TNFAIP8L3: variants seen among roughly 807,000 people sequenced by gnomAD.
TNFAIP8L3 encodes the protein tumor necrosis factor alpha-induced protein 8-like protein 3.
TNFAIP8L3 carries 7 observed loss-of-function variants against 11.8 expected under a neutral mutation model. The observed-to-expected ratio is 0.59, with a 90% confidence interval of 0.34 to 1.11. The LOEUF (loss-of-function observed/expected upper bound fraction) is 1.11. TNFAIP8L3 is among the 50% of genes most tolerant of loss of function. TNFAIP8L3 has a pLI of 0.03. For synonymous variants in TNFAIP8L3, 98 were observed against 103.8 expected, an observed-to-expected ratio of 0.94 and a Z score of 0.34; for missense variants, 219 against 258.6, an observed-to-expected ratio of 0.85 and a Z score of 1.05.
intron 1 of TNFAIP8L3, among the ~76,000 whole-genome samples, chr15:51,091,499 C>T (rs965885235): frequency 9.2e-5 from 14 of 152,160 alleles, no homozygotes; most frequent in Non-Finnish European, 1.8e-4. Context: ...AAAGAAGAAA[C>T]GCTTTCATCT....
intron 1 of TNFAIP8L3, among the ~76,000 whole-genome samples, chr15:51,066,382 A>G (rs1317523955): frequency 1.3e-5 from 2 of 151,938 alleles, no homozygotes; most frequent in Non-Finnish European, 2.9e-5. Flanking sequence ...AGGCTGGTCT[A>G]CGAACTCCTG....
At position 51,094,735 on chromosome 15, in the gene TNFAIP8L3, G is replaced by T; in HGVS notation, c.-140C>A. On this transcript the variant is annotated 5_prime_UTR_variant, in exon 1 of 2. Transcript: ENST00000637513. The surrounding 1 kb of genome is among the most constrained non-coding windows in gnomAD (Gnocchi z 4.4). ...GGCGCGGGCTGGGCGGTGCGCGGCG[G>T]CAGCGGCCAGGGGGCGGCTCCGCAG... is the stretch of plus-strand genomic sequence containing the variant. The T allele has an allele frequency of 1.0e-6, 1 of 979,338 alleles. No homozygotes were observed. Among genetic ancestry groups the T allele is most frequent in the Non-Finnish European group, 1.2e-6 (1 of 827,702 alleles). 60.7% of individuals were successfully genotyped at this position (979,338 alleles called of 1,614,324 possible).
chr15:51,060,059 C>A (rs1327157686), intron 1 of TNFAIP8L3, among the ~76,000 whole-genome samples: 1 of 152,240 alleles, frequency 6.6e-6, no homozygotes, highest in Non-Finnish European at 1.5e-5. Flanking sequence ...AATAAACACT[C>A]ATTGTGCAGA....
intron 1 of TNFAIP8L3, among the ~76,000 whole-genome samples, chr15:51,091,676 GCACACACACACACACACACACA>G (rs3077947): frequency 8.3e-5 from 12 of 144,108 alleles, no homozygotes; most frequent in African/African-American, 3.2e-4. Context: ...ACCTCCTCAA[GCACACACACACACACACACACA>G]CACACACACA....
intron 1 of TNFAIP8L3, among the ~76,000 whole-genome samples, chr15:51,086,537 TG>T (rs2065428768): frequency 6.6e-6 from 1 of 152,194 alleles, no homozygotes; most frequent in Admixed American, 6.5e-5. Context: ...GTGGCATCCG[TG>T]AATCTAATTA....
At chr15:51,100,096 C>T (rs1210159917) in intron 1 of TNFAIP8L3, among the ~76,000 whole-genome samples, 5 of 152,220 alleles carry the variant, frequency 3.3e-5, no homozygotes, top group Non-Finnish European at 7.3e-5. Flanking sequence ...TAAACAGAGT[C>T]ATGAAGTATA....
chr15:51,097,338 G>T (rs571645897), upstream of TNFAIP8L3, among the ~76,000 whole-genome samples: 2 of 152,282 alleles, frequency 1.3e-5, no homozygotes, highest in African/African-American at 4.8e-5. Flanking sequence ...ACACATGTAT[G>T]CTCATCAGTC....
At chr15:51,091,262 G>A (rs1217556948) in intron 1 of TNFAIP8L3, among the ~76,000 whole-genome samples, 1 of 152,236 alleles carries the variant, frequency 6.6e-6, no homozygotes, top group Non-Finnish European at 1.5e-5. Flanking sequence ...ACTGCAGCGT[G>A]TTGCTCTATG....
upstream of TNFAIP8L3, among the ~76,000 whole-genome samples, chr15:51,095,904 G>C (rs1052321538): frequency 4.6e-5 from 7 of 152,282 alleles, no homozygotes; most frequent in South Asian, 1.5e-3. Flanking sequence ...GCTAAAAAGC[G>C]CCACTTACTG....
intron 1 of TNFAIP8L3, among the ~76,000 whole-genome samples, chr15:51,091,684 A>G (rs1385094588): frequency 3.1e-5 from 3 of 97,346 alleles, no homozygotes; most frequent in Non-Finnish European, 5.2e-5. Flanking sequence ...AAGCACACAC[A>G]CACACACACA....
chr15:51,080,189 C>G (rs979833401), intron 1 of TNFAIP8L3, among the ~76,000 whole-genome samples: 7 of 152,218 alleles, frequency 4.6e-5, no homozygotes, highest in Non-Finnish European at 7.3e-5. Context: ...GATGACATTA[C>G]TATGATTTAG....
At chr15:51,091,227 A>T (rs1336115002) in intron 1 of TNFAIP8L3, among the ~76,000 whole-genome samples, 2 of 152,312 alleles carry the variant, frequency 1.3e-5, no homozygotes, top group East Asian at 3.9e-4. Flanking sequence ...GATGGAGACA[A>T]ATTTCATCCT....
intron 1 of TNFAIP8L3, among the ~76,000 whole-genome samples, chr15:51,067,084 T>A (rs1468504034): frequency 6.6e-6 from 1 of 152,132 alleles, no homozygotes; most frequent in Non-Finnish European, 1.5e-5. Flanking sequence ...TAGAAGCTCA[T>A]GAAAAGTGCC....
intron 1 of TNFAIP8L3, among the ~76,000 whole-genome samples, chr15:51,088,789 G>T (rs1305882534): frequency 1.3e-5 from 2 of 152,204 alleles, no homozygotes; most frequent in Non-Finnish European, 2.9e-5. Context: ...GGTGACCACT[G>T]CCATGTGCTG....
At chr15:51,064,359 T>C (rs1055110992) in intron 1 of TNFAIP8L3, among the ~76,000 whole-genome samples, 51 of 152,194 alleles carry the variant, frequency 3.4e-4, no homozygotes, top group African/African-American at 1.2e-3. Flanking sequence ...TTGCTTTTGA[T>C]GGTTCACCAT....
chr15:51,089,661 C>A (rs186661508), intron 1 of TNFAIP8L3, among the ~76,000 whole-genome samples: 1 of 152,342 alleles, frequency 6.6e-6, no homozygotes, highest in Admixed American at 6.5e-5. Flanking sequence ...GGCATCCTGT[C>A]TACTTTATAG....
chr15:51,088,080 T>C (rs909181761), intron 1 of TNFAIP8L3, among the ~76,000 whole-genome samples: 2 of 151,434 alleles, frequency 1.3e-5, no homozygotes, highest in African/African-American at 4.9e-5. Context: ...TCCACCTACA[T>C]AGGCATTTTA....
chr15:51,104,572 C>T (rs565036502), intron 1 of TNFAIP8L3, among the ~76,000 whole-genome samples: 12 of 152,296 alleles, frequency 7.9e-5, no homozygotes, highest in South Asian at 4.1e-4. Context: ...GCTGCAGCCT[C>T]GTCCCTGATG....
At chr15:51,069,551 C>T (rs57324163) in intron 1 of TNFAIP8L3, 1 of 152,044 alleles carries the variant, frequency 6.6e-6, no homozygotes, top group Non-Finnish European at 1.5e-5. Context: ...CCTTTTAGCT[C>T]ATTATCTCAG....
Sources: allele counts gnomAD v4.1 joint callset (sites outside exome capture counted in the v4.1 genomes callset), GRCh38; gene constraint gnomAD v4.1.1; non-coding constraint Gnocchi (gnomAD v3.1); transcripts MANE v1.5; gene names NCBI Gene and HGNC (gene_info 2026-07-23, HGNC 2026-07-21).